GPR149: variants seen among roughly 807,000 people sequenced by gnomAD.
The protein encoded by GPR149 is G protein-coupled receptor 149.
Under a neutral mutation model 50.2 loss-of-function variants are expected in GPR149, and 50 were observed. The observed-to-expected ratio is 1.00, with a 90% CI of 0.79 to 1.26. The LOEUF (loss-of-function observed/expected upper bound fraction) is 1.26. GPR149 is among the 50% of genes most tolerant of loss of function. The pLI, the probability that GPR149 is intolerant of heterozygous loss-of-function variation, is 0.00. For missense variants in GPR149, 983 were observed against 895.4 expected (o/e 1.10, Z -1.25); for synonymous variants, 405 against 358.2 (o/e 1.13, Z -1.48).
At position 154,337,627 on chromosome 3, in the gene GPR149, C is replaced by T. The variant is rs1013257529; in HGVS notation, c.*72G>A. ...AGCCAACAAATAAAAGGAAATCAGT[C>T]TCATAACAAAGGTGTTAGTTTCACA... On this transcript the variant is annotated 3_prime_UTR_variant, in exon 4 of 4. Coordinates refer to ENST00000389740, the MANE Select transcript of GPR149 (RefSeq NM_001038705.3). 1.3e-5 allele frequency: 15 copies of T among 1,152,094 alleles called. No homozygotes were observed. Among genetic ancestry groups the T allele is most frequent in the Non-Finnish European group, 1.7e-5 (14 of 820,018 alleles). 71.4% of individuals were successfully genotyped at this position (1,152,094 alleles called of 1,614,324 possible).
intron 3 of GPR149, among the ~76,000 whole-genome samples, chr3:154,380,283 G>C (rs1714890341): frequency 6.6e-6 from 1 of 151,920 alleles, no homozygotes; most frequent in Non-Finnish European, 1.5e-5. Flanking sequence ...TGCTTTCACT[G>C]TGCTTCCAGA....
At chr3:154,345,411 A>C (rs1482858857) in intron 3 of GPR149, among the ~76,000 whole-genome samples, 10 of 152,206 alleles carry the variant, frequency 6.6e-5, no homozygotes, top group Non-Finnish European at 1.3e-4. Flanking sequence ...ACATTCAGAG[A>C]GCATAAAACG....
chr3:154,420,162 A>G (rs1231162108), intron 3 of GPR149, among the ~76,000 whole-genome samples: 1 of 151,964 alleles, frequency 6.6e-6, no homozygotes, highest in African/African-American at 2.4e-5. Flanking sequence ...ATTTATTTCT[A>G]AAATAATGCT....
At chr3:154,374,221 C>G (rs1166725563) in intron 3 of GPR149, among the ~76,000 whole-genome samples, 1 of 130,110 alleles carries the variant, frequency 7.7e-6, no homozygotes, top group East Asian at 2.3e-4. Flanking sequence ...GTTGCCCAGG[C>G]TGGAGTGCAG....
intron 3 of GPR149, among the ~76,000 whole-genome samples, chr3:154,404,746 T>C (rs2108420082): frequency 6.6e-6 from 1 of 152,328 alleles, no homozygotes; most frequent in Middle Eastern, 3.4e-3. Flanking sequence ...TCTGTAAAAT[T>C]GAGTAACAGT....
chr3:154,400,450 C>A (rs1359995548), intron 3 of GPR149, among the ~76,000 whole-genome samples: 1 of 152,092 alleles, frequency 6.6e-6, no homozygotes, highest in East Asian at 1.9e-4. Context: ...GTATCCTTTT[C>A]AATATTCTTC....
rs1200407716 is a variant in GPR149, at chr3:154,349,393, T to C, written c.1624-11122A>G. Among the ~76,000 whole-genome samples, 27 of 152,264 alleles carry C rather than the reference T, an allele frequency of 1.8e-4. No individual in the cohort carries two copies. In the East Asian group the frequency reaches 4.8e-3, roughly 27 times the overall value. ...AAAGAGAAGACACAGATTACCAGTA[T>C]TAGGAATGAAACAGGATATCACTGC... On this transcript the variant is annotated intron_variant, in intron 3 of 3. Coordinates refer to ENST00000389740, the MANE Select transcript of GPR149 (RefSeq NM_001038705.3).
chr3:154,350,519 A>G (rs1576900222), intron 3 of GPR149, among the ~76,000 whole-genome samples: 1 of 152,336 alleles, frequency 6.6e-6, no homozygotes, highest in East Asian at 1.9e-4. Context: ...TGGAAACTAC[A>G]TGACACTTTA....
rs1341092074 is a variant in GPR149, at chr3:154,378,080, C to CT, written c.1624-39810_1624-39809insA. Among the ~76,000 whole-genome samples the CT allele has an allele frequency of 6.5e-5, 4 of 61,120 alleles. No homozygotes were observed. In the East Asian group the frequency reaches 3.0e-3, roughly 46 times the overall value. 40.1% of individuals were successfully genotyped at this position (61,120 alleles called of 152,430 possible). A position where few individuals can be genotyped will look rare whatever the true frequency, so the allele number is the denominator to read the frequency against. ...CAGGATCTCATTATATTGATATATC[C>CT]CCCCCCCCTTTTTTTTTTTTTGAGA... On this transcript the variant is annotated intron_variant, in intron 3 of 3. Transcript: ENST00000389740.
intron 3 of GPR149, among the ~76,000 whole-genome samples, chr3:154,411,935 A>T (rs1269501788): frequency 6.6e-6 from 1 of 152,140 alleles, no homozygotes; most frequent in Non-Finnish European, 1.5e-5. Flanking sequence ...GTGAACATAG[A>T]TGCAAAAATC....
intron 3 of GPR149, among the ~76,000 whole-genome samples, chr3:154,374,013 A>G (rs957357073): frequency 6.6e-6 from 1 of 152,126 alleles, no homozygotes; most frequent in Non-Finnish European, 1.5e-5. Flanking sequence ...AAAACAACAA[A>G]AACAGCCACA....
intron 3 of GPR149, among the ~76,000 whole-genome samples, chr3:154,377,526 C>T (rs1297167708): frequency 6.6e-6 from 1 of 151,928 alleles, no homozygotes; most frequent in African/African-American, 2.4e-5. Flanking sequence ...GCCACCATGC[C>T]TAGCTAATTT....
chr3:154,375,408 T>A (rs1024831446), intron 3 of GPR149, among the ~76,000 whole-genome samples: 1 of 152,322 alleles, frequency 6.6e-6, no homozygotes, highest in South Asian at 2.1e-4. Context: ...TAACTCCCTA[T>A]AAATTCCTGT....
chr3:154,429,777 A>G lies in GPR149; in HGVS notation c.-162T>C. The G allele has an allele frequency of 1.2e-5, 7 of 589,798 alleles. No homozygotes were observed. Among genetic ancestry groups the G allele is most frequent in the Admixed American group, 3.1e-5 (1 of 31,870 alleles). 36.5% of individuals were successfully genotyped at this position (589,798 alleles called of 1,614,324 possible). A position where few individuals can be genotyped will look rare whatever the true frequency, so the allele number is the denominator to read the frequency against. ...AAATGGTCAGCCATGTCTCCTTTAG[A>G]TCTGACTCAAGCTATATTTAAAAAT... On this transcript the variant is annotated 5_prime_UTR_variant, in exon 1 of 4. Coordinates refer to ENST00000389740, the MANE Select transcript of GPR149 (RefSeq NM_001038705.3).
intron 3 of GPR149, among the ~76,000 whole-genome samples, chr3:154,350,490 A>C (rs1417067992): frequency 1.3e-5 from 2 of 152,208 alleles, no homozygotes; most frequent in Non-Finnish European, 2.9e-5. Flanking sequence ...CTTATGAAAC[A>C]TGTATAGGAC....
At chr3:154,382,588 A>G (rs1312252254) in intron 3 of GPR149, among the ~76,000 whole-genome samples, 1 of 152,226 alleles carries the variant, frequency 6.6e-6, no homozygotes, top group Admixed American at 6.5e-5. Flanking sequence ...AATATCTTCA[A>G]TTAATATATT....
At chr3:154,428,517 G>T in intron 1 of GPR149, 118 bp downstream of exon 1, 1 of 1,138,324 alleles carries the variant, frequency 8.8e-7, no homozygotes, top group Non-Finnish European at 1.3e-6. Flanking sequence ...AGATACACTT[G>T]GAAGCGGACT....
intron 3 of GPR149, chr3:154,352,626 A>C: frequency 1.3e-6 from 1 of 777,942 alleles, no homozygotes; most frequent in South Asian, 1.3e-5. Context: ...AACTTGATGC[A>C]CCAGAAATGT....
In GPR149 at chr3:154,341,619, T is replaced by G. The variant is rs182367086; in HGVS notation, c.1624-3348A>C. Among the ~76,000 whole-genome samples the G allele has an allele frequency of 5.9e-5, 9 of 152,082 alleles. No individual in the cohort carries two copies. The East Asian group carries it at 1.7e-3, about 29-fold the overall frequency. ...AAAAGTAAGAGAGAAAGAATAATGTTTCTGCATGAGAAAACTATTTCGCAA... is the reference window on the plus strand; with the variant it reads ...AAAAGTAAGAGAGAAAGAATAATGTGTCTGCATGAGAAAACTATTTCGCAA... On this transcript the variant is annotated intron_variant, in intron 3 of 3. Transcript: ENST00000389740.
Sources: gnomAD v4.1 joint callset for allele counts (sites outside exome capture counted in the v4.1 genomes callset) on GRCh38, gnomAD v4.1.1 for gene constraint, MANE v1.5 for transcripts, NCBI Gene and HGNC (gene_info 2026-07-23, HGNC 2026-07-21) for gene names.